The following ZC3HAV1 variants were observed in gnomAD, a reference collection of about 807,000 sequenced individuals.
ZC3HAV1 encodes zinc finger CCCH-type containing, antiviral 1.
A neutral mutation model predicts 86.6 loss-of-function variants in ZC3HAV1; 41 were observed. The ratio of observed to expected loss-of-function variants is 0.47; its 90% CI spans 0.37 to 0.61. ZC3HAV1 has a LOEUF of 0.61. ZC3HAV1 is among the 20% of genes least tolerant of loss of function. ZC3HAV1 has a pLI of 0.00. For missense variants in ZC3HAV1, 964 were observed against 1,141.1 expected (o/e 0.84, Z 2.24); for synonymous variants, 421 against 432.1 (o/e 0.97, Z 0.32).
At position 139,108,071 on chromosome 7, in the gene ZC3HAV1, TTTGACTC is replaced by T. The variant is rs1256325851; in HGVS notation, c.308+946_308+952del. ...AACCCTGCCTGGGGGAAAAGATGAG[TTTGACTC>T]CATGGACAGGACACACGCGGGAGAG... On this transcript the variant is annotated intron_variant, in intron 1 of 12. Coordinates refer to ENST00000242351, the MANE Select transcript of ZC3HAV1 (RefSeq NM_020119.4). This position sits in a 1 kb window ranked among gnomAD's most constrained non-coding sequence, Gnocchi z 4.2. 2.0e-5 allele frequency among the ~76,000 whole-genome samples: 3 copies of T among 151,494 alleles called. No homozygotes were observed. Among genetic ancestry groups the T allele is most frequent in the African/African-American group, 7.3e-5 (3 of 41,176 alleles).
intron 2 of ZC3HAV1, among the ~76,000 whole-genome samples, chr7:139,088,031 CAAAAAAAAAAAAAAAAAAAAAAAAGA>C (rs1199934604): frequency 1.7e-5 from 1 of 57,872 alleles, no homozygotes; most frequent in East Asian, 5.1e-4. Context: ...GATCCTGTCT[CAAAAAAAAAAAAAAAAAAAAAAAAGA>C]AAAAAGAAAA....
Position 139,079,910 on chromosome 7 carries a change from G to A in ZC3HAV1, c.1031C>T (p.Pro344Leu). 3 of 1,614,196 alleles carry A rather than the reference G, an allele frequency of 1.9e-6. No homozygotes were observed. Among genetic ancestry groups the A allele is most frequent in the Non-Finnish European group, 2.5e-6 (3 of 1,180,036 alleles). ...GSQEDLLHGN[P>L]GSTYLASNST... ...ATTGGAAGCAAGGTAAGTGCTGCCT[G>A]GATTTCCATGCAAGAGGTCCTCTTG... is the stretch of plus-strand genomic sequence containing the variant. The change falls in exon 4 of 13, where the codon CCA becomes CTA. Residue 344 changes from proline (P) to leucine (L), a missense_variant. By Grantham distance (98) the Pro-to-Leu change is moderately conservative. Transcript: ENST00000242351.
intron 7 of ZC3HAV1, among the ~76,000 whole-genome samples, chr7:139,073,635 C>T (rs13230466): frequency 2.6e-4 from 39 of 152,122 alleles, no homozygotes; most frequent in Non-Finnish European, 4.7e-4. Context: ...GGATTATAGG[C>T]GCCTGCCACC....
At chr7:139,077,005 C>T (rs369593362) in intron 5 of ZC3HAV1, among the ~76,000 whole-genome samples, 7 of 135,922 alleles carry the variant, frequency 5.2e-5, no homozygotes, top group Non-Finnish European at 1.1e-4. Context: ...TCTGCACCCC[C>T]CCAAGTGTAT....
chr7:139,060,103 C>A (rs1416141507), intron 9 of ZC3HAV1, among the ~76,000 whole-genome samples: 1 of 152,178 alleles, frequency 6.6e-6, no homozygotes, highest in Non-Finnish European at 1.5e-5. Context: ...GAATAGGAAG[C>A]AACTCCCCTT....
chr7:139,090,301 T>G (rs913718166), intron 1 of ZC3HAV1, among the ~76,000 whole-genome samples: 1 of 152,140 alleles, frequency 6.6e-6, no homozygotes, highest in Non-Finnish European at 1.5e-5. Context: ...AAAAAACTCC[T>G]TAGTGTGCTT....
intron 1 of ZC3HAV1, among the ~76,000 whole-genome samples, chr7:139,096,015 T>C (rs1817576361): frequency 6.6e-6 from 1 of 152,072 alleles, no homozygotes; most frequent in African/African-American, 2.4e-5. Flanking sequence ...ATGTTTTTTT[T>C]TGTTTGTTTG....
Position 139,047,730 on chromosome 7 carries a change from G to A in ZC3HAV1, c.2573C>T (p.Thr858Met), listed in dbSNP as rs1262650181. Reference sequence around the variant, plus strand: ...GCTGTCGAACTGTGGAGGAGGGCTCGTGTACGTTATATTTCCTTCAGTAAA... The same window carrying A: ...GCTGTCGAACTGTGGAGGAGGGCTCATGTACGTTATATTTCCTTCAGTAAA... ...GKFTEGNITY[T>M]SPPPQFDSCV... Residue 858 changes from threonine (T) to methionine (M), a missense_variant, in exon 13 of 13, where the codon ACG becomes ATG. By Grantham distance (81) the Thr-to-Met change is moderately conservative. Coordinates refer to ENST00000242351, the MANE Select transcript of ZC3HAV1 (RefSeq NM_020119.4). The A allele has an allele frequency of 6.2e-6, 10 of 1,614,158 alleles. No homozygotes were observed. The highest frequency in any genetic ancestry group is 4.5e-5 in the East Asian group (2 of 44,880).
intron 6 of ZC3HAV1, 131 bp downstream of exon 6, chr7:139,076,155 C>G: frequency 1.4e-6 from 2 of 1,429,376 alleles, no homozygotes; most frequent in Admixed American, 4.2e-5. Context: ...TTTTTTATCT[C>G]AAGAGGTATT....
chr7:139,050,447 AGCC>A (rs1816090625), intron 12 of ZC3HAV1, among the ~76,000 whole-genome samples: 1 of 152,116 alleles, frequency 6.6e-6, no homozygotes, highest in African/African-American at 2.4e-5. Flanking sequence ...AGCTCACTGC[AGCC>A]TCCCCTTCTT....
chr7:139,077,920 A>G, intron 5 of ZC3HAV1, among the ~76,000 whole-genome samples: 1 of 152,142 alleles, frequency 6.6e-6, no homozygotes, highest in Admixed American at 6.6e-5. Flanking sequence ...TCCACACCTC[A>G]CACTTGTTAG....
chr7:139,065,791 C>T (rs1450584878), intron 7 of ZC3HAV1, among the ~76,000 whole-genome samples: 1 of 152,078 alleles, frequency 6.6e-6, no homozygotes, highest in Admixed American at 6.5e-5. Context: ...GTAGTCCCAG[C>T]TACTCGGGAG....
chr7:139,104,644 A>T (rs1212808172), intron 1 of ZC3HAV1, among the ~76,000 whole-genome samples: 1 of 145,552 alleles, frequency 6.9e-6, no homozygotes, highest in Non-Finnish European at 1.5e-5. Flanking sequence ...AATCGCTTGA[A>T]CCGGGGAGGC....
chr7:139,073,062 G>A (rs556818076), intron 7 of ZC3HAV1, among the ~76,000 whole-genome samples: 56 of 152,230 alleles, frequency 3.7e-4, no homozygotes, highest in African/African-American at 1.2e-3. Context: ...TTGGGAGGCC[G>A]AGGTGGGCGG....
Position 139,089,849 on chromosome 7 carries a change from C to A in ZC3HAV1, c.309-90G>T, listed in dbSNP as rs529120391. ...CATAAAACTTTCAGTCTGCAAAGAC[C>A]CGTGCCCATATTCTCTGACAACAGA... On this transcript the variant is annotated intron_variant, in intron 1 of 12. Coordinates refer to ENST00000242351, the MANE Select transcript of ZC3HAV1 (RefSeq NM_020119.4). 2.9e-5 allele frequency: 41 copies of A among 1,393,116 alleles called. No individual in the cohort carries two copies. The South Asian group carries it at 5.8e-4, about 20-fold the overall frequency. 86.3% of individuals were successfully genotyped at this position (1,393,116 alleles called of 1,614,324 possible).
At chr7:139,053,611 G>GAGAC in intron 11 of ZC3HAV1, 30 bp from the exon 12 acceptor site, 1 of 1,549,066 alleles carries the variant, frequency 6.5e-7, no homozygotes, top group Non-Finnish European at 8.7e-7. Flanking sequence ...ACTTAACACG[G>GAGAC]AGACATCCCC....
intron 1 of ZC3HAV1, among the ~76,000 whole-genome samples, chr7:139,097,422 A>ATTTTTTT (rs1563140647): frequency 7.6e-5 from 6 of 79,468 alleles, no homozygotes; most frequent in Non-Finnish European, 8.6e-5. Flanking sequence ...ATATATATAT[A>ATTTTTTT]TATATATTTT....
In ZC3HAV1 at chr7:139,054,063, A is replaced by G; in HGVS notation, c.2220T>C (p.Tyr740=). The G allele has an allele frequency of 6.3e-7, 1 of 1,597,512 alleles. No individual in the cohort carries two copies. The highest frequency in any genetic ancestry group is 8.5e-7 in the Non-Finnish European group (1 of 1,175,718). Residue 740 remains tyrosine, a synonymous_variant, in exon 11 of 13, where the codon TAT becomes TAC. Coordinates refer to ENST00000242351, the MANE Select transcript of ZC3HAV1 (RefSeq NM_020119.4). ...CTTTAAAATGCTCACTTACTCTGACATATTCTGGATGTAGGTGATGGATCT... is the reference window on the plus strand; with the variant it reads ...CTTTAAAATGCTCACTTACTCTGACGTATTCTGGATGTAGGTGATGGATCT... The part of the protein sequence containing the change: ...LSEIHHLHPE[Y]VRVSEHFKAS...
At chr7:139,074,189 C>T (rs759063631) in intron 6 of ZC3HAV1, among the ~76,000 whole-genome samples, 159 bp from the exon 7 acceptor site, 2 of 151,998 alleles carry the variant, frequency 1.3e-5, no homozygotes, top group South Asian at 2.1e-4. Context: ...AAAAGAAAAA[C>T]GGAAACGCAG....
Sources: allele counts gnomAD v4.1 joint callset (sites outside exome capture counted in the v4.1 genomes callset), GRCh38; gene constraint gnomAD v4.1.1; non-coding constraint Gnocchi (gnomAD v3.1); transcripts MANE v1.5; gene names NCBI Gene and HGNC (gene_info 2026-07-23, HGNC 2026-07-21).